ZNF638: variants seen among roughly 807,000 people sequenced by gnomAD.
ZNF638 encodes the protein CTCL tumor antigen se33-1.
In ZNF638, 46 loss-of-function variants were observed where a neutral mutation model predicts 195.6. That is an observed-to-expected ratio of 0.24 (90% CI 0.19 to 0.30). The LOEUF (loss-of-function observed/expected upper bound fraction) is 0.30. ZNF638 is among the 10% of genes least tolerant of loss of function. The pLI, the probability that ZNF638 is intolerant of heterozygous loss-of-function variation, is 1.00. For missense variants in ZNF638, 2,440 were observed against 2,325.3 expected (o/e 1.05, Z -1.01); for synonymous variants, 845 against 772.0 (o/e 1.09, Z -1.57).
chr2:71,390,041 T>G (rs1175722386), intron 10 of ZNF638, among the ~76,000 whole-genome samples: 2 of 152,090 alleles, frequency 1.3e-5, no homozygotes, highest in East Asian at 3.9e-4. Flanking sequence ...AGCCAGGTCA[T>G]AAGAAGAGGC....
intron 1 of ZNF638, among the ~76,000 whole-genome samples, chr2:71,333,936 T>C (rs1426776396): frequency 2.6e-5 from 4 of 152,196 alleles, no homozygotes; most frequent in Non-Finnish European, 5.9e-5. Flanking sequence ...TGATAGAAAA[T>C]TATAATCTGT....
In ZNF638 at chr2:71,427,276, A is replaced by G. The variant is rs796612708; in HGVS notation, c.5407A>G (p.Thr1803Ala). The G allele has an allele frequency of 2.5e-6, 4 of 1,613,784 alleles. No individual in the cohort carries two copies. The highest frequency in any genetic ancestry group is 1.3e-5 in the African/African-American group (1 of 75,016). The change falls in exon 24 of 28, where the codon ACA becomes GCA. Residue 1803 changes from threonine to alanine, a missense_variant. Around this residue, in one of 5 missense-constraint regions of ZNF638, gnomAD observed 1,883 missense variants for 1,739.1 expected, o/e 1.08. Coordinates refer to ENST00000264447, the MANE Select transcript of ZNF638 (RefSeq NM_014497.5). The part of the protein sequence containing the change: ...ELAQSKNDHP[T>A]DKKGNRKKRA... The stretch of plus-strand genomic sequence containing the variant: ...AGCACAAAGCAAAAATGACCATCCC[A>G]CAGATAAAAAAGGGAATAGAAAGAA...
chr2:71,385,804 T>A (rs2079625412), intron 10 of ZNF638, among the ~76,000 whole-genome samples: 1 of 152,210 alleles, frequency 6.6e-6, no homozygotes, highest in Non-Finnish European at 1.5e-5. Flanking sequence ...TTTACAATTA[T>A]CTCAAAAGTG....
At chr2:71,380,167 T>G in intron 8 of ZNF638, 55 bp from the exon 9 acceptor site, 1 of 1,074,758 alleles carries the variant, frequency 9.3e-7, no homozygotes. Context: ...TGTTCTATAT[T>G]TTCTAAATTG....
At chr2:71,372,881 C>T (rs1336878022) in intron 8 of ZNF638, among the ~76,000 whole-genome samples, 1 of 152,184 alleles carries the variant, frequency 6.6e-6, no homozygotes, top group Non-Finnish European at 1.5e-5. Context: ...TATAGTGTTT[C>T]TCTGTATGAA....
intron 11 of ZNF638, among the ~76,000 whole-genome samples, chr2:71,398,148 CCCTTAT>C (rs1311692527): frequency 6.6e-6 from 1 of 152,018 alleles, no homozygotes; most frequent in Admixed American, 6.6e-5. Flanking sequence ...GGTTGAGTAT[CCCTTAT>C]CCAAAATGGT....
chr2:71,405,560 A>G (rs749530763), intron 17 of ZNF638, 41 bp from the exon 18 acceptor site: 1 of 1,282,872 alleles, frequency 7.8e-7, no homozygotes, highest in Non-Finnish European at 1.1e-6. Context: ...TGTATGAGAA[A>G]GAGCTTATAC....
intron 10 of ZNF638, among the ~76,000 whole-genome samples, chr2:71,394,231 G>C (rs750160190): frequency 1.3e-5 from 2 of 152,100 alleles, no homozygotes; most frequent in South Asian, 2.1e-4. Flanking sequence ...AGCCATGTCC[G>C]TTCCCCTGTG....
chr2:71,383,350 T>G (rs781346552), intron 10 of ZNF638, among the ~76,000 whole-genome samples: 13 of 152,102 alleles, frequency 8.5e-5, no homozygotes, highest in South Asian at 2.1e-4. Context: ...CTAGAAGAGA[T>G]AGATTCAGAA....
intron 1 of ZNF638, among the ~76,000 whole-genome samples, chr2:71,336,152 A>C (rs1051970986): frequency 6.6e-6 from 1 of 152,172 alleles, no homozygotes; most frequent in Non-Finnish European, 1.5e-5. Context: ...CAGGCGGATC[A>C]TCTGAGGTCG....
rs1478682163 is a variant in ZNF638, at chr2:71,368,484, T to C, written c.2098T>C (p.Phe700Leu). The C allele has an allele frequency of 6.2e-7, 1 of 1,613,516 alleles. No individual in the cohort carries two copies. ...EEDVRKLFQP[F>L]GKVNDVLIVP... ...AGATGTGAGAAAATTATTTCAACCA[T>C]TTGGGAAAGTGAATGATGTCCTAAT... The change falls in exon 7 of 28, where the codon TTT becomes CTT. Residue 700 changes from phenylalanine (F) to leucine (L), a missense_variant. Transcript: ENST00000264447.
chr2:71,421,302 G>T (rs2080426945), intron 21 of ZNF638, among the ~76,000 whole-genome samples: 1 of 151,682 alleles, frequency 6.6e-6, no homozygotes, highest in South Asian at 2.1e-4. Context: ...ATTGTGAATT[G>T]TAAAGATTTG....
intron 10 of ZNF638, chr2:71,388,748 A>T: frequency 9.2e-7 from 1 of 1,082,462 alleles, no homozygotes; most frequent in South Asian, 1.3e-5. Context: ...CCCACTCGGG[A>T]TATCCAAGTT....
Position 71,406,174 on chromosome 2 carries a change from T to C in ZNF638, c.3047T>C (p.Leu1016Ser). The change falls in exon 19 of 28, where the codon TTA becomes TCA. Residue 1016 changes from leucine (L) to serine (S), a missense_variant. Transcript: ENST00000264447. ...GATCGATTTGTACATCTTGATAATT[T>C]ACCGGAAGATGGACTTCAGTGTGTA... ...IYDRFVHLDN[L>S]PEDGLQCVLC... 6.2e-7 allele frequency: 1 copy of C among 1,613,734 alleles called. No homozygotes were observed.
intron 1 of ZNF638, among the ~76,000 whole-genome samples, chr2:71,332,287 G>A (rs2078585178): frequency 6.6e-6 from 1 of 152,232 alleles, no homozygotes. Flanking sequence ...CGGTGGTGAG[G>A]GAATGCCGAG....
rs560988090 is a variant in ZNF638, at chr2:71,389,117, G to T, written c.2378-7024G>T. ...AGAAGGAACCATCACCTACCTTACC[G>T]CCGCCTCCTCTTCCCTCAGCCCTGC... is the stretch of plus-strand genomic sequence containing the variant. On this transcript the variant is annotated intron_variant, in intron 10 of 27. Transcript: ENST00000264447. Among the ~76,000 whole-genome samples, 12 of 152,178 alleles carry T rather than the reference G, an allele frequency of 7.9e-5. No homozygotes were observed. In the South Asian group the frequency reaches 1.2e-3, roughly 16 times the overall value.
intron 4 of ZNF638, among the ~76,000 whole-genome samples, chr2:71,363,539 T>C (rs924681367): frequency 2.0e-5 from 3 of 152,212 alleles, no homozygotes; most frequent in Non-Finnish European, 4.4e-5. Context: ...TACACACACA[T>C]AGAGAAATCA....
chr2:71,390,111 C>T (rs941905666), intron 10 of ZNF638, among the ~76,000 whole-genome samples: 3 of 152,090 alleles, frequency 2.0e-5, no homozygotes, highest in Non-Finnish European at 4.4e-5. Context: ...TATATGCCCC[C>T]GACGTAGAAA....
At chr2:71,433,635 C>T (rs1369675049) in intron 27 of ZNF638, 1 of 167,530 alleles carries the variant, frequency 6.0e-6, no homozygotes, top group African/African-American at 2.4e-5. Context: ...TAACTTCATG[C>T]AAACCATTTA....
Sources: gnomAD v4.1 joint callset for allele counts (sites outside exome capture counted in the v4.1 genomes callset) on GRCh38, gnomAD v4.1.1 for gene constraint, gnomAD v4.1.1 regional missense constraint, MANE v1.5 for transcripts, NCBI Gene and HGNC (gene_info 2026-07-23, HGNC 2026-07-21) for gene names.